The following PCDH11X variants were observed in gnomAD, a reference collection of about 807,000 sequenced individuals.
PCDH11X encodes the protein protocadherin-11 X-linked.
A neutral mutation model predicts 53.3 loss-of-function variants in PCDH11X; 18 were observed. The observed-to-expected ratio is 0.34, with a 90% CI of 0.23 to 0.50. PCDH11X has a LOEUF of 0.50. Ranked by LOEUF, PCDH11X falls within the 20% of genes least tolerant of loss-of-function variation. The pLI is 0.98. For missense variants in PCDH11X, 570 were observed against 1,032.4 expected (o/e 0.55, Z 6.14); for synonymous variants, 279 against 393.3 (o/e 0.71, Z 3.44).
At chrX:92,319,886 A>G (rs1017218768) in intron 8 of PCDH11X, among the ~76,000 whole-genome samples, 7 of 112,129 alleles carry the variant, frequency 6.2e-5, no homozygotes, top group African/African-American at 2.3e-4. Context: ...TTTGTTTGCT[A>G]GTGGACACAG....
At chrX:92,212,274 A>T (rs778790378) in intron 7 of PCDH11X, among the ~76,000 whole-genome samples, 2 of 111,908 alleles carry the variant, frequency 1.8e-5, no homozygotes, top group East Asian at 2.8e-4. Flanking sequence ...GGCTTCCCAA[A>T]GTGCTGGGAT....
chrX:92,543,113 G>A (rs2002367877), intron 10 of PCDH11X, among the ~76,000 whole-genome samples: 1 of 104,618 alleles, frequency 9.6e-6, no homozygotes, highest in South Asian at 4.5e-4. Context: ...ATTTCTACAA[G>A]TATTTAAAAA....
At chrX:92,078,679 A>AT (rs1293606714) in intron 6 of PCDH11X, among the ~76,000 whole-genome samples, 1 of 109,897 alleles carries the variant, frequency 9.1e-6, no homozygotes, top group African/African-American at 3.3e-5. Flanking sequence ...AGCCTTACTC[A>AT]TTTTTTTTCT....
chrX:91,847,897 C>T (rs1321835579), intron 5 of PCDH11X, among the ~76,000 whole-genome samples: 2 of 112,067 alleles, frequency 1.8e-5, no homozygotes, highest in Non-Finnish European at 3.8e-5. Flanking sequence ...ATTTCTATTT[C>T]CTTTGATATT....
At chrX:92,190,220 A>T (rs2066171246) in intron 6 of PCDH11X, among the ~76,000 whole-genome samples, 1 of 111,416 alleles carries the variant, frequency 9.0e-6, no homozygotes, top group South Asian at 3.7e-4. Context: ...TCTTTAACCC[A>T]TCTTGTGTTA....
At chrX:91,883,446 G>A in intron 6 of PCDH11X, 1 of 754,299 alleles carries the variant, frequency 1.3e-6, no homozygotes, top group South Asian at 6.7e-5. Flanking sequence ...CTGGTTCAGT[G>A]TTTTGAAAAT....
At chrX:92,018,799 C>G (rs760892375) in intron 6 of PCDH11X, among the ~76,000 whole-genome samples, 10 of 112,513 alleles carry the variant, frequency 8.9e-5, no homozygotes, top group Non-Finnish European at 1.9e-4. Flanking sequence ...AAAGAACAGT[C>G]TCATTGCCTG....
At chrX:91,909,885 T>A (rs1941315856) in intron 6 of PCDH11X, among the ~76,000 whole-genome samples, 1 of 111,800 alleles carries the variant, frequency 8.9e-6, no homozygotes. Context: ...ATCAAGCTAA[T>A]TAACATATCC....
intron 9 of PCDH11X, among the ~76,000 whole-genome samples, chrX:92,452,196 G>T (rs886548448): frequency 3.9e-5 from 4 of 102,839 alleles, no homozygotes; most frequent in Non-Finnish European, 7.9e-5. Flanking sequence ...TCAAAAGAAA[G>T]AATATATTCA....
At chrX:91,941,727 C>T (rs933078506) in intron 6 of PCDH11X, among the ~76,000 whole-genome samples, 1 of 109,866 alleles carries the variant, frequency 9.1e-6, no homozygotes, top group East Asian at 2.9e-4. Context: ...ATTTATTGAA[C>T]ATTCCACTCA....
At chrX:92,214,817 G>A (rs1237332925) in intron 7 of PCDH11X, among the ~76,000 whole-genome samples, 1 of 111,362 alleles carries the variant, frequency 9.0e-6, no homozygotes, top group East Asian at 2.8e-4. Flanking sequence ...GGGAAGCCGT[G>A]GCAGGTGGAT....
intron 6 of PCDH11X, among the ~76,000 whole-genome samples, chrX:91,898,241 T>C (rs973896763): frequency 9.2e-6 from 1 of 108,663 alleles, no homozygotes; most frequent in East Asian, 2.9e-4. Flanking sequence ...ATTTTAAAGA[T>C]TGAGCTCTCA....
At chrX:91,983,245 C>T (rs1266991761) in intron 6 of PCDH11X, 39 of 843,366 alleles carry the variant, frequency 4.6e-5, no homozygotes, top group Non-Finnish European at 5.9e-5. Context: ...GCTGATCTTC[C>T]ACAGTCATCT....
intron 1 of PCDH11X, among the ~76,000 whole-genome samples, chrX:91,805,660 AT>A (rs772321343): frequency 0.026 from 2,206 of 86,074 alleles, 56 homozygotes; most frequent in African/African-American, 0.1. Context: ...TACAAAAAAC[AT>A]TTTTTTTTTT....
At chrX:92,124,487 G>C (rs1179708848) in intron 6 of PCDH11X, among the ~76,000 whole-genome samples, 9 of 108,677 alleles carry the variant, frequency 8.3e-5, no homozygotes, top group Non-Finnish European at 1.1e-4. Flanking sequence ...GGAGGTTGCA[G>C]TGAGGTGAGA....
intron 7 of PCDH11X, among the ~76,000 whole-genome samples, chrX:92,238,777 C>T (rs993820541): frequency 3.6e-5 from 4 of 111,160 alleles, no homozygotes; most frequent in Non-Finnish European, 7.6e-5. Context: ...AATAAGTGCT[C>T]AATAAACTAT....
intron 6 of PCDH11X, among the ~76,000 whole-genome samples, chrX:92,133,130 A>T (rs2148201721): frequency 9.0e-6 from 1 of 111,529 alleles, no homozygotes; most frequent in South Asian, 3.7e-4. Context: ...CACATCAAGT[A>T]GATTTTAGAC....
chrX:92,081,085 A>G (rs1476315029), intron 6 of PCDH11X, among the ~76,000 whole-genome samples: 1 of 111,550 alleles, frequency 9.0e-6, no homozygotes, highest in African/African-American at 3.3e-5. Flanking sequence ...AAAGTGGCAT[A>G]CTTTGGAGCA....
chrX:92,507,529 T>A (rs1440737051), intron 10 of PCDH11X, among the ~76,000 whole-genome samples: 1 of 111,710 alleles, frequency 9.0e-6, no homozygotes, highest in African/African-American at 3.3e-5. Context: ...TGATTTTTTT[T>A]AAATAAGATG....
Sources: allele counts gnomAD v4.1 joint callset (sites outside exome capture counted in the v4.1 genomes callset), GRCh38; gene constraint gnomAD v4.1.1; transcripts MANE v1.5; gene names NCBI Gene and HGNC (gene_info 2026-07-23, HGNC 2026-07-21).